BLTP3B: variants seen among roughly 807,000 people sequenced by gnomAD.
BLTP3B encodes bridge-like lipid transfer protein family member 3B, also known as UHRF1 (ICBP90) binding protein 1-like.
At chr12:100,111,239 T>C in the BLTP3B span, among the ~76,000 whole-genome samples, 2 of 149,094 alleles carry the variant, frequency 1.3e-5, no homozygotes, top group South Asian at 4.3e-4. Flanking sequence ...AAATGCATCA[T>C]AAAATCCCAT....
At chr12:100,051,475 CT>C in the BLTP3B span, 1 of 309,226 alleles carries the variant, frequency 3.2e-6, no homozygotes, top group Admixed American at 4.8e-5. Flanking sequence ...CAGATCAATA[CT>C]TTTAAAAAAT....
the BLTP3B span, among the ~76,000 whole-genome samples, chr12:100,106,737 T>C: frequency 3.8e-4 from 58 of 152,272 alleles, 2 homozygotes; most frequent in East Asian, 0.011. Flanking sequence ...ACCACTTGTA[T>C]CTCTAAAGCT....
the BLTP3B span, among the ~76,000 whole-genome samples, chr12:100,080,717 G>C: frequency 6.6e-6 from 1 of 152,176 alleles, no homozygotes; most frequent in Non-Finnish European, 1.5e-5. Flanking sequence ...CAGGACATTG[G>C]ACTGTGGACT....
the BLTP3B span, among the ~76,000 whole-genome samples, chr12:100,052,346 T>A: frequency 6.6e-6 from 1 of 151,952 alleles, no homozygotes; most frequent in Non-Finnish European, 1.5e-5. Context: ...TCTGGCCCCC[T>A]CTAAACAAAT....
the BLTP3B span, among the ~76,000 whole-genome samples, chr12:100,070,850 A>G: frequency 2.0e-5 from 3 of 152,020 alleles, no homozygotes; most frequent in Non-Finnish European, 4.4e-5. Context: ...AAAAAAATTA[A>G]CAAAAATCAG....
the BLTP3B span, chr12:100,057,625 C>T: frequency 6.2e-7 from 1 of 1,612,194 alleles, no homozygotes; most frequent in South Asian, 1.1e-5. Context: ...AACTGTTCTT[C>T]CAATATCATG....
At chr12:100,049,445 G>A in the BLTP3B span, among the ~76,000 whole-genome samples, 1 of 152,156 alleles carries the variant, frequency 6.6e-6, no homozygotes, top group African/African-American at 2.4e-5. Flanking sequence ...ATATATGCAT[G>A]TGTGTGAAAG....
At chr12:100,059,979 A>ATCT in the BLTP3B span, 1 of 1,613,056 alleles carries the variant, frequency 6.2e-7, no homozygotes, top group Admixed American at 1.7e-5. Flanking sequence ...TTAACCATAG[A>ATCT]ATGCTTCTTT....
At chr12:100,080,235 G>A in the BLTP3B span, among the ~76,000 whole-genome samples, 14 of 152,276 alleles carry the variant, frequency 9.2e-5, no homozygotes, top group East Asian at 2.7e-3. Context: ...TGCACCATGT[G>A]CCTGGAAAAG....
At chr12:100,130,255 C>T in the BLTP3B span, among the ~76,000 whole-genome samples, 6 of 152,156 alleles carry the variant, frequency 3.9e-5, no homozygotes, top group East Asian at 1.9e-4. Flanking sequence ...CCACCACACC[C>T]GGCCTCATTT....
the BLTP3B span, among the ~76,000 whole-genome samples, chr12:100,131,847 G>C: frequency 6.6e-6 from 1 of 151,972 alleles, no homozygotes; most frequent in African/African-American, 2.4e-5. Context: ...TGGAGTCCAG[G>C]GGCACAATCT....
At chr12:100,135,535 C>T in the BLTP3B span, among the ~76,000 whole-genome samples, 1 of 152,110 alleles carries the variant, frequency 6.6e-6, no homozygotes, top group East Asian at 1.9e-4. Flanking sequence ...TCCCAAAGTG[C>T]TGGGATTACA....
chr12:100,089,160 T>G, the BLTP3B span: 1 of 1,352,964 alleles, frequency 7.4e-7, no homozygotes, highest in Non-Finnish European at 9.8e-7. Context: ...CACAAAAATC[T>G]AAGTATTTTC....
the BLTP3B span, among the ~76,000 whole-genome samples, chr12:100,126,641 C>A: frequency 6.6e-6 from 1 of 151,878 alleles, no homozygotes; most frequent in Non-Finnish European, 1.5e-5. Flanking sequence ...AAACAGGAGC[C>A]ATTAAAAGAT....
the BLTP3B span, among the ~76,000 whole-genome samples, chr12:100,071,389 C>T: frequency 2.0e-5 from 3 of 150,222 alleles, no homozygotes; most frequent in Non-Finnish European, 1.5e-5. Context: ...CCCAGCTACT[C>T]GGAAGCCTGG....
chr12:100,074,699 A>G, the BLTP3B span, among the ~76,000 whole-genome samples: 3 of 152,094 alleles, frequency 2.0e-5, no homozygotes, highest in African/African-American at 7.2e-5. Flanking sequence ...AAAAAATTTT[A>G]AAATATTTAA....
At chr12:100,074,419 C>T in the BLTP3B span, among the ~76,000 whole-genome samples, 5 of 151,984 alleles carry the variant, frequency 3.3e-5, no homozygotes, top group East Asian at 3.9e-4. Context: ...GCCAACATGG[C>T]GAAACCCCAT....
At chr12:100,059,723 C>T in the BLTP3B span, 1 of 1,144,956 alleles carries the variant, frequency 8.7e-7, no homozygotes, top group Non-Finnish European at 1.2e-6. Flanking sequence ...CTTACATGAC[C>T]ACTAAGAAGA....
the BLTP3B span, among the ~76,000 whole-genome samples, chr12:100,099,859 T>C: frequency 1.3e-5 from 2 of 150,714 alleles, no homozygotes; most frequent in East Asian, 3.9e-4. Context: ...GGCCAGGAGG[T>C]TGACGCTGCA....
Sources: gnomAD v4.1 joint callset for allele counts (sites outside exome capture counted in the v4.1 genomes callset) on GRCh38, gnomAD v4.1.1 for gene constraint, MANE v1.5 for transcripts, NCBI Gene and HGNC (gene_info 2026-07-23, HGNC 2026-07-21) for gene names.